FBXL20: variants seen among roughly 807,000 people sequenced by gnomAD.
The protein encoded by FBXL20 is F-box and leucine rich repeat protein 20.
Under a neutral mutation model 64.0 loss-of-function variants are expected in FBXL20, and 11 were observed. That is an observed-to-expected ratio of 0.17 (90% confidence interval 0.11 to 0.28). The LOEUF (loss-of-function observed/expected upper bound fraction) is 0.28, where lower values mean the gene tolerates loss of function less well. Ranked by LOEUF, FBXL20 falls within the 10% of genes least tolerant of loss-of-function variation. The pLI is 1.00. For missense variants in FBXL20, 303 were observed against 526.2 expected (o/e 0.58, Z 4.15); for synonymous variants, 184 against 189.0 (o/e 0.97, Z 0.22).
At chr17:39,400,581 T>G (rs1178796081) in intron 1 of FBXL20, among the ~76,000 whole-genome samples, 2 of 152,180 alleles carry the variant, frequency 1.3e-5, no homozygotes, top group Non-Finnish European at 2.9e-5. Context: ...GTTACAATAT[T>G]TCACTTCCCA....
At chr17:39,302,171 A>G (rs2047141905) in intron 3 of FBXL20, among the ~76,000 whole-genome samples, 1 of 151,984 alleles carries the variant, frequency 6.6e-6, no homozygotes, top group African/African-American at 2.4e-5. Context: ...ATATTGCTCT[A>G]TTCTCACTCT....
intron 2 of FBXL20, among the ~76,000 whole-genome samples, chr17:39,315,211 T>C (rs2047274269): frequency 6.6e-6 from 1 of 151,962 alleles, no homozygotes; most frequent in African/African-American, 2.4e-5. Context: ...ACAACACTTT[T>C]TGATTACAGA....
intron 1 of FBXL20, among the ~76,000 whole-genome samples, chr17:39,355,466 T>C (rs983127890): frequency 6.6e-6 from 1 of 152,216 alleles, no homozygotes; most frequent in Non-Finnish European, 1.5e-5. Flanking sequence ...AGACTGTGTT[T>C]TCTACTTCTT....
intron 1 of FBXL20, among the ~76,000 whole-genome samples, chr17:39,387,529 TCG>T (rs552606059): frequency 7.6e-4 from 115 of 151,910 alleles, no homozygotes; most frequent in African/African-American, 2.6e-3. Flanking sequence ...TCTGGCCGTC[TCG>T]GCCTCCCAAA....
intron 10 of FBXL20, among the ~76,000 whole-genome samples, chr17:39,273,634 A>G (rs2046866037): frequency 6.6e-6 from 1 of 151,898 alleles, no homozygotes; most frequent in Non-Finnish European, 1.5e-5. Flanking sequence ...ATCCTGGCCA[A>G]TATGATGAAA....
upstream of FBXL20, chr17:39,402,295 C>CTCCGCGGTT: frequency 1.1e-6 from 1 of 897,356 alleles, no homozygotes; most frequent in Non-Finnish European, 1.5e-6. Context: ...CCGCCGCCGC[C>CTCCGCGGTT]GCCTCCCCCG....
At chr17:39,307,255 A>G (rs576875353) in intron 2 of FBXL20, among the ~76,000 whole-genome samples, 36 of 152,084 alleles carry the variant, frequency 2.4e-4, no homozygotes, top group African/African-American at 8.7e-4. Flanking sequence ...ATAAAAAATA[A>G]GTAAAATATA....
rs10568875 is a variant in FBXL20, at chr17:39,295,784, G to GATATATATATATATATATATATATATAT, written c.398+1342_398+1343insATATATATATATATATATATATATATAT. ...CTTTTTGAAAATATGCAAATATGGA[G>GATATATATATATATATATATATATATAT]ATATATATATATATATATATATTAA... On this transcript the variant is annotated intron_variant, in intron 6 of 14. Transcript: ENST00000264658. 2.1e-3 allele frequency among the ~76,000 whole-genome samples: 286 copies of GATATATATATATATATATATATATATAT among 136,878 alleles called. 4 individuals carry two copies. Among genetic ancestry groups the GATATATATATATATATATATATATATAT allele is most frequent in the Non-Finnish European group, 2.9e-3 (179 of 62,648 alleles). The allele number at this position is 136,878 out of a possible 152,430, so 89.8% of individuals were successfully genotyped here.
chr17:39,323,586 A>T (rs2047378428), intron 2 of FBXL20, among the ~76,000 whole-genome samples: 1 of 151,926 alleles, frequency 6.6e-6, no homozygotes, highest in South Asian at 2.1e-4. Context: ...TCTTTACTCA[A>T]TTGCAATTGT....
intron 1 of FBXL20, among the ~76,000 whole-genome samples, chr17:39,390,938 T>G (rs1481957135): frequency 1.3e-5 from 2 of 151,982 alleles, no homozygotes; most frequent in African/African-American, 2.4e-5. Context: ...TCCCAGCTAC[T>G]TGGGAAGCTG....
chr17:39,370,468 T>G (rs1326147425), intron 1 of FBXL20, among the ~76,000 whole-genome samples: 2 of 137,886 alleles, frequency 1.5e-5, no homozygotes, highest in Non-Finnish European at 1.6e-5. Flanking sequence ...CCAGCCTGAG[T>G]GGACAGAGTG....
intron 10 of FBXL20, 89 bp downstream of exon 10, chr17:39,274,881 A>G (rs1227516676): frequency 1.3e-6 from 2 of 1,554,634 alleles, no homozygotes; most frequent in Non-Finnish European, 1.7e-6. Flanking sequence ...TGCAGTGCCT[A>G]CCTTAAAATT....
chr17:39,262,192 G>A (rs1200044452), intron 14 of FBXL20, among the ~76,000 whole-genome samples: 1 of 152,092 alleles, frequency 6.6e-6, no homozygotes, highest in East Asian at 1.9e-4. Flanking sequence ...GTCTGAAGAG[G>A]GGAAGAGGAA....
chr17:39,344,529 TAA>T (rs2047613966), intron 1 of FBXL20, among the ~76,000 whole-genome samples: 1 of 152,000 alleles, frequency 6.6e-6, no homozygotes, highest in Non-Finnish European at 1.5e-5. Flanking sequence ...CTCACACTTG[TAA>T]TCCCAGCACT....
At chr17:39,370,934 T>C (rs1207063397) in intron 1 of FBXL20, among the ~76,000 whole-genome samples, 5 of 151,850 alleles carry the variant, frequency 3.3e-5, no homozygotes, top group African/African-American at 1.2e-4. Context: ...AAGAGTTTTG[T>C]CAGACCGAGG....
rs982354606 is a variant in FBXL20 at position 39,351,246 on chromosome 17, G to T, written c.43-8005C>A. On this transcript the variant is annotated intron_variant, in intron 1 of 14. Transcript: ENST00000264658. ...AGCTACTCGGGAGGCTGAGGCAGGA[G>T]AATTGCTCGAAACCGGGAGGGGGAG... 5.3e-5 allele frequency among the ~76,000 whole-genome samples: 8 copies of T among 149,536 alleles called. No individual in the cohort carries two copies. In the South Asian group the frequency reaches 1.7e-3, roughly 31 times the overall value.
chr17:39,355,371 C>T (rs1207232289), intron 1 of FBXL20, among the ~76,000 whole-genome samples: 1 of 151,954 alleles, frequency 6.6e-6, no homozygotes, highest in Non-Finnish European at 1.5e-5. Context: ...AGCCACGACA[C>T]CTGGCCTTCT....
chr17:39,392,405 A>G (rs1243390550), intron 1 of FBXL20, among the ~76,000 whole-genome samples: 1 of 150,840 alleles, frequency 6.6e-6, no homozygotes, highest in Non-Finnish European at 1.5e-5. Flanking sequence ...ACACCACCGA[A>G]TCCCAGCCTG....
intron 10 of FBXL20, among the ~76,000 whole-genome samples, chr17:39,274,239 T>C (rs2046871599): frequency 6.6e-6 from 1 of 152,134 alleles, no homozygotes; most frequent in Admixed American, 6.6e-5. Flanking sequence ...TAAGTTTATT[T>C]TAGAGAACAA....
Sources: gnomAD v4.1 joint callset for allele counts (sites outside exome capture counted in the v4.1 genomes callset) on GRCh38, gnomAD v4.1.1 for gene constraint, MANE v1.5 for transcripts, NCBI Gene and HGNC (gene_info 2026-07-23, HGNC 2026-07-21) for gene names.